PRDM15: variants seen among roughly 807,000 people sequenced by gnomAD.
PRDM15 encodes the protein PR/SET domain 15.
Under a neutral mutation model 128.6 loss-of-function variants are expected in PRDM15, and 64 were observed. That is an observed-to-expected ratio of 0.50 (90% CI 0.41 to 0.61). The LOEUF (loss-of-function observed/expected upper bound fraction) is 0.61. Ranked by LOEUF, PRDM15 falls within the 20% of genes least tolerant of loss-of-function variation. PRDM15 has a pLI of 0.00. For synonymous variants in PRDM15, 615 were observed against 621.8 expected (o/e 0.99, Z 0.16); for missense variants, 1,242 against 1,569.1 (o/e 0.79, Z 3.52).
chr21:41,861,367 A>AC (rs959538935), intron 1 of PRDM15, among the ~76,000 whole-genome samples: 1 of 151,562 alleles, frequency 6.6e-6, no homozygotes, highest in Non-Finnish European at 1.5e-5. Context: ...ATAAACTGAC[A>AC]CCCCCCACAC....
rs1216034881 is a variant in PRDM15, at chr21:41,811,071, A to C, written c.2393-235T>G. 4 of 509,704 alleles carry C rather than the reference A, an allele frequency of 7.8e-6. No individual in the cohort carries two copies. Among genetic ancestry groups the C allele is most frequent in the Non-Finnish European group, 1.4e-5 (4 of 281,654 alleles). 31.6% of individuals were successfully genotyped at this position (509,704 alleles called of 1,614,324 possible). On this transcript the variant is annotated intron_variant, in intron 19 of 23. Transcript: ENST00000398548. This position sits in a 1 kb window ranked among gnomAD's most constrained non-coding sequence, Gnocchi z 4.1. Reference sequence around the variant, plus strand: ...ATCAAAAAAACATGAGATGTGGGAAAGGCTGTCTGAAAACACAGACAGAAA... The same window carrying C: ...ATCAAAAAAACATGAGATGTGGGAACGGCTGTCTGAAAACACAGACAGAAA...
intron 5 of PRDM15, among the ~76,000 whole-genome samples, chr21:41,852,506 TGGCAAA>T (rs2063461311): frequency 6.6e-6 from 1 of 152,254 alleles, no homozygotes; most frequent in Non-Finnish European, 1.5e-5. Context: ...CACCTGGTTT[TGGCAAA>T]GCCACGAGGG....
rs1180621024 is a variant in PRDM15, at chr21:41,854,721, T to C, written c.383A>G (p.His128Arg). 4 of 1,613,296 alleles carry C rather than the reference T, an allele frequency of 2.5e-6. No homozygotes were observed. Among genetic ancestry groups the C allele is most frequent in the Non-Finnish European group, 3.4e-6 (4 of 1,179,930 alleles). Residue 128 changes from histidine (H) to arginine (R), a missense_variant, in exon 5 of 24, where the codon CAC (histidine) becomes CGC (arginine). His to Arg is a conservative substitution (Grantham distance 29). Coordinates refer to ENST00000398548, the MANE Select transcript of PRDM15 (RefSeq NM_001040424.3). This position sits in a 1 kb window ranked among gnomAD's most constrained non-coding sequence, Gnocchi z 4.6. Reference sequence around the variant, plus strand: ...GTGCTGGTAGGCCGTCAGGTTCTGGTGCTCGGCCTCCGCCGCTGGCCGCAC... The same window carrying C: ...GTGCTGGTAGGCCGTCAGGTTCTGGCGCTCGGCCTCCGCCGCTGGCCGCAC... ...MLVRPAAEAE[H>R]QNLTAYQHGS...
intron 11 of PRDM15, among the ~76,000 whole-genome samples, chr21:41,829,564 C>A (rs2062610012): frequency 6.7e-6 from 1 of 148,878 alleles, no homozygotes; most frequent in African/African-American, 2.5e-5. Context: ...ACCACATACA[C>A]AACCCACAAA....
Position 41,815,755 on chromosome 21 carries a change from C to T in PRDM15, c.2342G>A (p.Arg781His), listed in dbSNP as rs139826829. Residue 781 changes from arginine (R) to histidine (H), a missense_variant, in exon 19 of 24, where the codon CGC becomes CAC. Around this residue, in one of 3 missense-constraint regions of PRDM15, gnomAD observed 602 missense variants for 788.3 expected, o/e 0.76. Transcript: ENST00000398548. ...IKEYECKECH[R>H]RFAQKVNMLK... ...CATGTTGACCTTCTGCGCGAACCTG[C>T]GGTGGCACTCCTTGCACTCGTACTC... The T allele has an allele frequency of 5.0e-6, 8 of 1,614,084 alleles. No individual in the cohort carries two copies. The highest frequency in any genetic ancestry group is 4.5e-5 in the East Asian group (2 of 44,884).
intron 1 of PRDM15, among the ~76,000 whole-genome samples, chr21:41,875,416 C>T (rs2064377573): frequency 6.6e-6 from 1 of 152,240 alleles, no homozygotes; most frequent in Non-Finnish European, 1.5e-5. Context: ...GAAAATATTT[C>T]CTAAAATGCC....
chr21:41,835,634 G>T, intron 10 of PRDM15, 110 bp from the exon 11 acceptor site: 1 of 770,354 alleles, frequency 1.3e-6, no homozygotes, highest in South Asian at 1.5e-5. Flanking sequence ...TTATGACTCT[G>T]ACCTCCACCA....
chr21:41,863,196 G>C (rs1282195644), intron 1 of PRDM15: 3 of 151,454 alleles, frequency 2.0e-5, no homozygotes, highest in Non-Finnish European at 2.9e-5. Context: ...AAAAGTGTGA[G>C]GTCCCCCTAT....
At position 41,823,145 on chromosome 21, in the gene PRDM15, G is replaced by A. The variant is rs112527809; in HGVS notation, c.1761+173C>T. The A allele has an allele frequency of 1.8e-4, 149 of 825,036 alleles. 3 individuals carry two copies. In the Admixed American group the frequency reaches 2.5e-3, roughly 14 times the overall value. 51.1% of individuals were successfully genotyped at this position (825,036 alleles called of 1,614,324 possible). On this transcript the variant is annotated intron_variant, in intron 14 of 23. Coordinates refer to ENST00000398548, the MANE Select transcript of PRDM15 (RefSeq NM_001040424.3). Reference sequence around the variant, plus strand: ...GTCTACGAACCAGGAAGTGAGCCTCGCCAGACACCGAATCTATGGGGGCTT... The same window carrying A: ...GTCTACGAACCAGGAAGTGAGCCTCACCAGACACCGAATCTATGGGGGCTT...
At chr21:41,807,404 C>A (rs948673779) in intron 21 of PRDM15, among the ~76,000 whole-genome samples, 3 of 152,124 alleles carry the variant, frequency 2.0e-5, no homozygotes, top group African/African-American at 7.2e-5. Flanking sequence ...CCAACGAACA[C>A]CTTCTTCCTC....
At position 41,798,243 on chromosome 21, in the gene PRDM15, G is replaced by T; in HGVS notation, c.*2997C>A. On this transcript the variant is annotated 3_prime_UTR_variant, in exon 24 of 24. Transcript: ENST00000398548. ...CCAGCAATTGAAAACACGGGTCACA[G>T]CACCTTTTATTCGTCATCATACAAC... 1 of 152,274 alleles carries T rather than the reference G, an allele frequency of 6.6e-6. No individual in the cohort carries two copies. Among genetic ancestry groups the T allele is most frequent in the Non-Finnish European group, 1.5e-5 (1 of 68,048 alleles). 9.4% of individuals were successfully genotyped at this position (152,274 alleles called of 1,614,324 possible).
chr21:41,827,385 A>AG (rs988571555), intron 12 of PRDM15, among the ~76,000 whole-genome samples: 11 of 152,198 alleles, frequency 7.2e-5, no homozygotes, highest in Non-Finnish European at 1.0e-4. Flanking sequence ...TTTTTGAGAT[A>AG]GGGTCTTGCT....
chr21:41,860,258 G>T, intron 2 of PRDM15, 69 bp downstream of exon 2: 1 of 1,244,014 alleles, frequency 8.0e-7, no homozygotes, highest in Non-Finnish European at 1.2e-6. Context: ...GACAGCAAGC[G>T]CCACGCCCAT....
At position 41,810,737 on chromosome 21, in the gene PRDM15, A is replaced by G. The variant is rs201019944; in HGVS notation, c.2476+16T>C. The G allele has an allele frequency of 1.2e-6, 2 of 1,612,272 alleles. No individual in the cohort carries two copies. The highest frequency in any genetic ancestry group is 2.2e-5 in the East Asian group (1 of 44,870). On this transcript the variant is annotated intron_variant, in intron 20 of 23. Transcript: ENST00000398548. The surrounding 1 kb of genome is among the most constrained non-coding windows in gnomAD (Gnocchi z 6.4). ...CCGCGTGCGCCCCGAAGGCTCCTTC[A>G]GGCTGCGCCGCTCACCTGTGTGGAT...
At chr21:41,826,189 G>A (rs1014159941) in intron 12 of PRDM15, 135 bp from the exon 13 acceptor site, 11 of 660,262 alleles carry the variant, frequency 1.7e-5, no homozygotes, top group Non-Finnish European at 2.7e-5. Flanking sequence ...CAGAAGCGTG[G>A]CAGTTTAAGT....
In PRDM15 at chr21:41,854,892, C is replaced by T. The variant is rs2063534129; in HGVS notation, c.286-74G>A. On this transcript the variant is annotated intron_variant, in intron 4 of 23. Coordinates refer to ENST00000398548, the MANE Select transcript of PRDM15 (RefSeq NM_001040424.3). The surrounding 1 kb of genome is among the most constrained non-coding windows in gnomAD (Gnocchi z 4.6). The stretch of plus-strand genomic sequence containing the variant: ...CATCTGTGTATCAGCGTGTGGGGGG[C>T]AGGTGCTGAGGAACCCATCTAGACA... 51 of 1,520,280 alleles carry T rather than the reference C, an allele frequency of 3.4e-5. No individual in the cohort carries two copies. The South Asian group carries it at 6.3e-4, about 19-fold the overall frequency. 94.2% of individuals were successfully genotyped at this position (1,520,280 alleles called of 1,614,324 possible). A position where few individuals can be genotyped will look rare whatever the true frequency, so the allele number is the denominator to read the frequency against.
At position 41,836,469 on chromosome 21, in the gene PRDM15, A is replaced by G; in HGVS notation, c.1182T>C (p.His394=). 1 of 1,608,950 alleles carries G rather than the reference A, an allele frequency of 6.2e-7. No individual in the cohort carries two copies. Among genetic ancestry groups the G allele is most frequent in the East Asian group, 2.2e-5 (1 of 44,680 alleles). Residue 394 remains histidine, a splice_region_variant and synonymous_variant, in exon 9 of 24, where the codon CAT becomes CAC. Coordinates refer to ENST00000398548, the MANE Select transcript of PRDM15 (RefSeq NM_001040424.3). Reference sequence around the variant, plus strand: ...GCCAGCCGGGCCTCGCGGACTCACCATGCGAGCGCACGTGCCTGCTCAGGT... The same window carrying G: ...GCCAGCCGGGCCTCGCGGACTCACCGTGCGAGCGCACGTGCCTGCTCAGGT... The part of the protein sequence containing the change: ...SSNLSRHVRS[H]GDKLFKCEEC...
At chr21:41,829,558 CAT>C (rs1184209935) in intron 11 of PRDM15, among the ~76,000 whole-genome samples, 21,203 of 149,258 alleles carry the variant, frequency 0.14, 1,677 homozygotes, top group East Asian at 0.3. Context: ...ACATACACCA[CAT>C]ACACAACCCA....
At position 41,859,557 on chromosome 21, in the gene PRDM15, T is replaced by C; in HGVS notation, c.131+35A>G. 2 of 1,564,284 alleles carry C rather than the reference T, an allele frequency of 1.3e-6. No individual in the cohort carries two copies. The highest frequency in any genetic ancestry group is 1.8e-6 in the Non-Finnish European group (2 of 1,137,720). On this transcript the variant is annotated intron_variant, in intron 3 of 23. Coordinates refer to ENST00000398548, the MANE Select transcript of PRDM15 (RefSeq NM_001040424.3). The surrounding 1 kb of genome is among the most constrained non-coding windows in gnomAD (Gnocchi z 5.3). Reference sequence around the variant, plus strand: ...CACTAGGCTCCTGCCGCAGCTGGCATATGGAAGGCCCGGGAGCTCACGGCG... The same window carrying C: ...CACTAGGCTCCTGCCGCAGCTGGCACATGGAAGGCCCGGGAGCTCACGGCG...
Sources: allele counts gnomAD v4.1 joint callset (sites outside exome capture counted in the v4.1 genomes callset), GRCh38; gene constraint gnomAD v4.1.1; regional missense constraint gnomAD v4.1.1; non-coding constraint Gnocchi (gnomAD v3.1); transcripts MANE v1.5; gene names NCBI Gene and HGNC (gene_info 2026-07-23, HGNC 2026-07-21).